PRDM11: variants seen among roughly 807,000 people sequenced by gnomAD.
PRDM11 encodes the protein PR domain-containing protein 11.
A neutral mutation model predicts 97.8 loss-of-function variants in PRDM11; 20 were observed. The ratio of observed to expected loss-of-function variants is 0.20; its 90% confidence interval spans 0.14 to 0.30. PRDM11 has a LOEUF of 0.30. Ranked by LOEUF, PRDM11 falls within the 10% of genes least tolerant of loss-of-function variation. PRDM11 has a pLI of 1.00. For synonymous variants in PRDM11, 599 were observed against 637.7 expected, an observed-to-expected ratio of 0.94 and a Z score of 0.91; for missense variants, 1,139 against 1,555.2, an observed-to-expected ratio of 0.73 and a Z score of 4.50.
chr11:45,112,569 T>C (rs1852206626), intron 1 of PRDM11, among the ~76,000 whole-genome samples: 1 of 152,240 alleles, frequency 6.6e-6, no homozygotes, highest in Admixed American at 6.5e-5. Flanking sequence ...CATAAACGTG[T>C]TCCCTTTTCA....
At chr11:45,104,582 C>T (rs1852029518) in intron 1 of PRDM11, among the ~76,000 whole-genome samples, 1 of 152,084 alleles carries the variant, frequency 6.6e-6, no homozygotes, top group South Asian at 2.1e-4. Context: ...ACTTCAGACC[C>T]CACCCAGCTA....
intron 1 of PRDM11, among the ~76,000 whole-genome samples, chr11:45,129,873 T>C (rs1852680099): frequency 6.6e-6 from 1 of 152,182 alleles, no homozygotes; most frequent in Non-Finnish European, 1.5e-5. Flanking sequence ...CCATCAGATA[T>C]ACTTATTGTA....
intron 4 of PRDM11, among the ~76,000 whole-genome samples, chr11:45,200,904 G>A (rs1429124868): frequency 2.0e-5 from 3 of 152,208 alleles, no homozygotes; most frequent in East Asian, 3.9e-4. Flanking sequence ...AGAGTAATGA[G>A]AGTTGAGATT....
chr11:45,215,509 G>GCT (rs1853931231), intron 5 of PRDM11, among the ~76,000 whole-genome samples: 2 of 152,332 alleles, frequency 1.3e-5, no homozygotes, highest in Non-Finnish European at 2.9e-5. Flanking sequence ...CTGGCTGGCT[G>GCT]CTCTCTCTCT....
chr11:45,141,662 T>C (rs761915927), upstream of PRDM11, among the ~76,000 whole-genome samples: 50 of 152,150 alleles, frequency 3.3e-4, no homozygotes, highest in Middle Eastern at 3.2e-3. Flanking sequence ...GACCAACAGA[T>C]GCCAAAGCCT....
intron 6 of PRDM11, among the ~76,000 whole-genome samples, chr11:45,221,993 G>A (rs946310496): frequency 6.6e-6 from 1 of 152,168 alleles, no homozygotes; most frequent in Non-Finnish European, 1.5e-5. Flanking sequence ...ATTGGAGGTA[G>A]GCACCCTGAT....
intron 1 of PRDM11, among the ~76,000 whole-genome samples, chr11:45,170,654 C>T (rs1470084308): frequency 6.6e-6 from 1 of 152,116 alleles, no homozygotes. Flanking sequence ...TTGGTGTTTG[C>T]ATTGCATGAA....
Position 45,233,256 on chromosome 11 carries a change from G to A in PRDM11, c.*5097G>A, listed in dbSNP as rs1033411740. 6.6e-6 allele frequency: 1 copy of A among 152,332 alleles called. No individual in the cohort carries two copies. Among genetic ancestry groups the A allele is most frequent in the African/African-American group, 2.4e-5 (1 of 41,452 alleles). The allele number at this position is 152,332 out of a possible 1,614,324, so 9.4% of individuals were successfully genotyped here. Reference sequence around the variant, plus strand: ...GAGAGGGAGCCGGGGAAGGCCAGCAGGCAGGGTTGGCTGGCAAGGGGGCCT... The same window carrying A: ...GAGAGGGAGCCGGGGAAGGCCAGCAAGCAGGGTTGGCTGGCAAGGGGGCCT... On this transcript the variant is annotated 3_prime_UTR_variant, in exon 8 of 8. Transcript: ENST00000683152.
intron 1 of PRDM11, among the ~76,000 whole-genome samples, chr11:45,165,978 G>T (rs1035019620): frequency 1.3e-5 from 2 of 152,272 alleles, no homozygotes; most frequent in South Asian, 2.1e-4. Context: ...GACAGCTGCT[G>T]TGCAGCCTTG....
In PRDM11 at chr11:45,227,704, T is replaced by G. The variant is rs1196270160; in HGVS notation, c.3079T>G (p.Cys1027Gly). The stretch of plus-strand genomic sequence containing the variant: ...CATCCCGACCTTTTCCCGGGATGTC[T>G]GTAGGGAAGGGCTGGACCCCCGGGG... ...EAIPTFSRDV[C>G]REGLDPRGSL... The change falls in exon 8 of 8, where the codon TGT (cysteine) becomes GGT (glycine). Residue 1027 changes from cysteine (C) to glycine (G), a missense_variant. Cys to Gly is a radical substitution (Grantham distance 159). This residue lies in a region of PRDM11 where 710 missense variants were observed against 1,044.9 expected (regional missense o/e 0.68). Coordinates refer to ENST00000683152, the MANE Select transcript of PRDM11 (RefSeq NM_001384648.1). The surrounding 1 kb of genome is among the most constrained non-coding windows in gnomAD (Gnocchi z 8.0). 2.0e-6 allele frequency: 3 copies of G among 1,533,934 alleles called. No homozygotes were observed. The African/African-American group carries it at 4.1e-5, about 21-fold the overall frequency.
In PRDM11 at chr11:45,233,075, A is replaced by G. The variant is rs1481013675; in HGVS notation, c.*4916A>G. ...ATACAGTACGTATACACACAGAGTA[A>G]GAGAGTAAATCACGTCTATATATCT... On this transcript the variant is annotated 3_prime_UTR_variant, in exon 8 of 8. Transcript: ENST00000683152. The G allele has an allele frequency of 2.0e-5, 3 of 152,210 alleles. No homozygotes were observed. Among genetic ancestry groups the G allele is most frequent in the African/African-American group, 4.8e-5 (2 of 41,442 alleles). 9.4% of individuals were successfully genotyped at this position (152,210 alleles called of 1,614,324 possible).
In PRDM11 at chr11:45,219,825, T is replaced by C. The variant is rs770142350; in HGVS notation, c.742+68T>C. Reference sequence around the variant, plus strand: ...CCAGGGGAGGCCTGGATAGCTTGTTTTGGAGCTTCCTGAGAAATACGGTTC... The same window carrying C: ...CCAGGGGAGGCCTGGATAGCTTGTTCTGGAGCTTCCTGAGAAATACGGTTC... On this transcript the variant is annotated intron_variant, in intron 6 of 7. Transcript: ENST00000683152. This position sits in a 1 kb window ranked among gnomAD's most constrained non-coding sequence, Gnocchi z 4.2. The C allele has an allele frequency of 3.2e-5, 48 of 1,490,868 alleles. No individual in the cohort carries two copies. In the Admixed American group the frequency reaches 7.4e-4, roughly 23 times the overall value. The allele number at this position is 1,490,868 out of a possible 1,614,324, so 92.4% of individuals were successfully genotyped here.
chr11:45,200,019 A>T (rs933789955), intron 4 of PRDM11, among the ~76,000 whole-genome samples: 1 of 152,154 alleles, frequency 6.6e-6, no homozygotes, highest in South Asian at 2.1e-4. Flanking sequence ...GCGTCCCGCT[A>T]GGCTGTGAGC....
rs1851520354 is a variant in PRDM11 at position 45,146,816 on chromosome 11, A to C, written c.-68A>C. The stretch of plus-strand genomic sequence containing the variant: ...AGCCGAGGCCGCGCCGCCTCCGCCG[A>C]GCCGCCCGCCGGGCCGCTCTCGCCG... On this transcript the variant is annotated 5_prime_UTR_variant, in exon 1 of 8. Coordinates refer to ENST00000683152, the MANE Select transcript of PRDM11 (RefSeq NM_001384648.1). The C allele has an allele frequency of 6.9e-6, 1 of 145,524 alleles. No individual in the cohort carries two copies. Among genetic ancestry groups the C allele is most frequent in the Non-Finnish European group, 1.5e-5 (1 of 65,424 alleles). The allele number at this position is 145,524 out of a possible 1,614,324, so 9.0% of individuals were successfully genotyped here. A position where few individuals can be genotyped will look rare whatever the true frequency, so the allele number is the denominator to read the frequency against.
chr11:45,182,360 C>A lies in PRDM11; in HGVS notation c.223+11C>A. 1 of 1,610,390 alleles carries A rather than the reference C, an allele frequency of 6.2e-7. No individual in the cohort carries two copies. The highest frequency in any genetic ancestry group is 8.5e-7 in the Non-Finnish European group (1 of 1,177,078). On this transcript the variant is annotated intron_variant, in intron 3 of 7. Transcript: ENST00000683152. ...AAGTGGACTTCTGGTGTAAGTGGAG[C>A]TTGGGGCTCTGGGCTGCTCCTCCCT...
chr11:45,200,901 T>C (rs1853302876), intron 4 of PRDM11, among the ~76,000 whole-genome samples: 1 of 152,208 alleles, frequency 6.6e-6, no homozygotes, highest in Non-Finnish European at 1.5e-5. Context: ...TCCAGAGTAA[T>C]GAGAGTTGAG....
chr11:45,210,504 G>A lies in PRDM11; in HGVS notation c.554+5726G>A, dbSNP rs556089776. Among the ~76,000 whole-genome samples, 6 of 152,350 alleles carry A rather than the reference G, an allele frequency of 3.9e-5. No individual in the cohort carries two copies. The South Asian group carries it at 6.2e-4, about 16-fold the overall frequency. On this transcript the variant is annotated intron_variant, in intron 5 of 7. Coordinates refer to ENST00000683152, the MANE Select transcript of PRDM11 (RefSeq NM_001384648.1). Reference sequence around the variant, plus strand: ...CCAGCTGCAGTCCCCACTAGAGGCCGTCTGCCTGACCGGCTCGTGAGTGGT... The same window carrying A: ...CCAGCTGCAGTCCCCACTAGAGGCCATCTGCCTGACCGGCTCGTGAGTGGT...
At chr11:45,159,001 G>A (rs1851868992) in intron 1 of PRDM11, among the ~76,000 whole-genome samples, 1 of 152,144 alleles carries the variant, frequency 6.6e-6, no homozygotes, top group East Asian at 1.9e-4. Context: ...CCCCTTCCTA[G>A]TTCTGTGGCC....
At chr11:45,106,550 C>T (rs1852064531) in intron 1 of PRDM11, among the ~76,000 whole-genome samples, 2 of 152,184 alleles carry the variant, frequency 1.3e-5, no homozygotes, top group Non-Finnish European at 2.9e-5. Context: ...TTGGAAAGGG[C>T]ATCATGGAGA....
Sources: gnomAD v4.1 joint callset for allele counts (sites outside exome capture counted in the v4.1 genomes callset) on GRCh38, gnomAD v4.1.1 for gene constraint, gnomAD v4.1.1 regional missense constraint, Gnocchi (gnomAD v3.1) non-coding constraint, MANE v1.5 for transcripts, NCBI Gene and HGNC (gene_info 2026-07-23, HGNC 2026-07-21) for gene names.